The following PDE3A variants were observed in gnomAD, a reference collection of about 807,000 sequenced individuals.
The protein encoded by PDE3A is phosphodiesterase 3A, also known as cGMP-inhibited 3',5'-cyclic phosphodiesterase 3A.
In PDE3A, 43 loss-of-function variants were observed where a neutral mutation model predicts 98.3. That is an observed-to-expected ratio of 0.44 (90% CI 0.34 to 0.56). PDE3A has a LOEUF of 0.56. Among genes scored for constraint, PDE3A ranks in the 20% least tolerant of loss-of-function variants. The pLI is 0.01. For missense variants in PDE3A, 1,427 were observed against 1,440.7 expected (o/e 0.99, Z 0.15); for synonymous variants, 663 against 567.9 (o/e 1.17, Z -2.38).
In PDE3A at chr12:20,453,255, C is replaced by T. The variant is rs948478228; in HGVS notation, c.960+83011C>T. 2.7e-5 allele frequency among the ~76,000 whole-genome samples: 4 copies of T among 149,508 alleles called. No homozygotes were observed. The South Asian group carries it at 8.5e-4, about 32-fold the overall frequency. ...GTGGCAAGATCTCAGCTCACTGCAA[C>T]CTCCAACTCCCAGGTTCAAGCAGTT... is the stretch of plus-strand genomic sequence containing the variant. On this transcript the variant is annotated intron_variant, in intron 1 of 15. Transcript: ENST00000359062.
rs531203474 is a variant in PDE3A at position 20,442,618 on chromosome 12, C to A, written c.960+72374C>A. On this transcript the variant is annotated intron_variant, in intron 1 of 15. Transcript: ENST00000359062. ...GAGACGCACGGAAATACTTAGTTCA[C>A]ACCACTGCAATGGGTTAAAGATCTG... Among the ~76,000 whole-genome samples the A allele has an allele frequency of 1.7e-3, 255 of 152,300 alleles. 2 individuals carry two copies. The highest frequency in any genetic ancestry group is 5.9e-3 in the African/African-American group (244 of 41,558).
chr12:20,633,878 C>T (rs1194017626), intron 7 of PDE3A, 100 bp downstream of exon 7: 7 of 657,458 alleles, frequency 1.1e-5, no homozygotes, highest in East Asian at 2.9e-5. Context: ...TTTTGTGGGG[C>T]GCTGGGAGAC....
chr12:20,541,564 G>A (rs1048010637), intron 1 of PDE3A, among the ~76,000 whole-genome samples: 2 of 151,928 alleles, frequency 1.3e-5, no homozygotes, highest in African/African-American at 4.8e-5. Flanking sequence ...CAATTCTAAC[G>A]ACCTCAGTTA....
At chr12:20,571,362 A>G (rs776373866) in intron 2 of PDE3A, among the ~76,000 whole-genome samples, 9 of 152,188 alleles carry the variant, frequency 5.9e-5, no homozygotes, top group Non-Finnish European at 1.3e-4. Context: ...CTGGCACCAC[A>G]GCAATAATAT....
intron 1 of PDE3A, among the ~76,000 whole-genome samples, chr12:20,395,153 G>C (rs1256303652): frequency 6.6e-6 from 1 of 151,982 alleles, no homozygotes; most frequent in Non-Finnish European, 1.5e-5. Flanking sequence ...CTAGCCACTT[G>C]TTAGCCATGT....
chr12:20,416,604 C>T (rs963064051), intron 1 of PDE3A, among the ~76,000 whole-genome samples: 3 of 152,136 alleles, frequency 2.0e-5, no homozygotes, highest in East Asian at 3.9e-4. Context: ...CTATATAAAA[C>T]ATAAAACAAC....
chr12:20,372,300 T>C (rs1943490041), intron 1 of PDE3A, among the ~76,000 whole-genome samples: 1 of 152,196 alleles, frequency 6.6e-6, no homozygotes, highest in Admixed American at 6.5e-5. Flanking sequence ...TTTTAAAGAC[T>C]GTGTTAATGA....
chr12:20,374,499 AGG>A (rs1223527262), intron 1 of PDE3A, among the ~76,000 whole-genome samples: 1 of 151,928 alleles, frequency 6.6e-6, no homozygotes, highest in Admixed American at 6.6e-5. Flanking sequence ...GCCTTGGGGG[AGG>A]GGGTGCAGGC....
intron 1 of PDE3A, among the ~76,000 whole-genome samples, chr12:20,440,895 T>C (rs765833118): frequency 7.1e-6 from 1 of 140,260 alleles, no homozygotes; most frequent in Non-Finnish European, 1.5e-5. Flanking sequence ...ACTTCACCTA[T>C]CTCACCTTTG....
At chr12:20,624,848 A>T (rs11611971) in intron 5 of PDE3A, among the ~76,000 whole-genome samples, 12,207 of 152,198 alleles carry the variant, frequency 0.08, 683 homozygotes, top group African/African-American at 0.15. Flanking sequence ...TGGTTGTGAC[A>T]TGTTTGATGC....
At chr12:20,600,482 G>A (rs764351168) in intron 2 of PDE3A, among the ~76,000 whole-genome samples, 2 of 152,014 alleles carry the variant, frequency 1.3e-5, no homozygotes, top group Non-Finnish European at 1.5e-5. Context: ...TGTTTCCTCA[G>A]ACCTCTCCAG....
chr12:20,508,848 G>A (rs1592000713), intron 1 of PDE3A, among the ~76,000 whole-genome samples: 2 of 149,120 alleles, frequency 1.3e-5, no homozygotes, highest in East Asian at 2.0e-4. Context: ...GTTTTTGATT[G>A]TTTTCTTCAG....
chr12:20,398,080 C>G (rs1944051823), intron 1 of PDE3A, among the ~76,000 whole-genome samples: 1 of 146,288 alleles, frequency 6.8e-6, no homozygotes, highest in Non-Finnish European at 1.5e-5. Flanking sequence ...CTGGCAATCA[C>G]CATCTGATTC....
At chr12:20,409,930 A>G (rs1036307938) in intron 1 of PDE3A, among the ~76,000 whole-genome samples, 1 of 152,186 alleles carries the variant, frequency 6.6e-6, no homozygotes, top group Non-Finnish European at 1.5e-5. Flanking sequence ...AATAATATAA[A>G]TGGATTATCT....
At chr12:20,474,340 A>G (rs765098799) in intron 1 of PDE3A, among the ~76,000 whole-genome samples, 1 of 152,130 alleles carries the variant, frequency 6.6e-6, no homozygotes, top group Non-Finnish European at 1.5e-5. Flanking sequence ...TTTGTCGTCT[A>G]GATATATTGT....
At chr12:20,426,954 G>A (rs1389104335) in intron 1 of PDE3A, among the ~76,000 whole-genome samples, 1 of 152,188 alleles carries the variant, frequency 6.6e-6, no homozygotes, top group Non-Finnish European at 1.5e-5. Flanking sequence ...GTTAAAATTA[G>A]ACCTGATGGC....
intron 1 of PDE3A, among the ~76,000 whole-genome samples, chr12:20,556,065 G>T (rs2121269801): frequency 6.6e-6 from 1 of 152,156 alleles, no homozygotes. Context: ...TTTTCAATAA[G>T]TAAATATTCT....
chr12:20,580,787 T>C (rs923106701), intron 2 of PDE3A, among the ~76,000 whole-genome samples: 18 of 152,090 alleles, frequency 1.2e-4, no homozygotes, highest in African/African-American at 4.4e-4. Context: ...AATGCTCCTT[T>C]ACCCCCTCTG....
chr12:20,435,729 T>C (rs968310767), intron 1 of PDE3A, among the ~76,000 whole-genome samples: 1 of 152,198 alleles, frequency 6.6e-6, no homozygotes, highest in Non-Finnish European at 1.5e-5. Context: ...CTTGTAAGGA[T>C]CACATGAGAA....
Sources: allele counts gnomAD v4.1 joint callset (sites outside exome capture counted in the v4.1 genomes callset), GRCh38; gene constraint gnomAD v4.1.1; transcripts MANE v1.5; gene names NCBI Gene and HGNC (gene_info 2026-07-23, HGNC 2026-07-21).